The following NRG1 variants were observed in gnomAD, a reference collection of about 807,000 sequenced individuals.
The protein encoded by NRG1 is pro-neuregulin-1, membrane-bound isoform.
NRG1 carries 18 observed loss-of-function variants against 63.8 expected under a neutral mutation model. The observed-to-expected ratio is 0.28, with a 90% CI of 0.19 to 0.42. NRG1 has a LOEUF of 0.42. Ranked by LOEUF, NRG1 falls within the 10% of genes least tolerant of loss-of-function variation. The pLI is 1.00. For synonymous variants in NRG1, 302 were observed against 301.3 expected (o/e 1.00, Z -0.02); for missense variants, 762 against 814.7 (o/e 0.94, Z 0.79).
intron 1 of NRG1, among the ~76,000 whole-genome samples, chr8:32,316,948 G>T (rs1354243031): frequency 1.3e-5 from 2 of 152,210 alleles, no homozygotes; most frequent in Non-Finnish European, 2.9e-5. Flanking sequence ...TATTCCTGAG[G>T]AAGTATTTTC....
intron 1 of NRG1, among the ~76,000 whole-genome samples, chr8:32,004,858 G>T (rs1813497379): frequency 6.6e-6 from 1 of 151,712 alleles, no homozygotes; most frequent in Admixed American, 6.6e-5. Context: ...AAATGTACTA[G>T]GATACTTGTC....
At chr8:31,981,769 GA>G (rs1278672788) in intron 1 of NRG1, among the ~76,000 whole-genome samples, 2 of 151,764 alleles carry the variant, frequency 1.3e-5, no homozygotes, top group Admixed American at 1.3e-4. Context: ...CCCTCTGGGG[GA>G]TGCAGATAAT....
chr8:31,827,404 T>C (rs538315548), intron 1 of NRG1, among the ~76,000 whole-genome samples: 2 of 152,188 alleles, frequency 1.3e-5, no homozygotes, highest in Non-Finnish European at 2.9e-5. Context: ...GCCTTTTTTT[T>C]TCCTTAGTGA....
intron 1 of NRG1, among the ~76,000 whole-genome samples, chr8:32,058,209 T>C (rs557027633): frequency 6.6e-6 from 1 of 152,150 alleles, no homozygotes; most frequent in East Asian, 1.9e-4. Context: ...CATGAAATTT[T>C]ATAGGGAAAG....
intron 1 of NRG1, among the ~76,000 whole-genome samples, chr8:31,968,632 G>T (rs1261709472): frequency 1.3e-5 from 2 of 152,030 alleles, no homozygotes; most frequent in Non-Finnish European, 2.9e-5. Flanking sequence ...TCATTTAATG[G>T]ATCCTGTCTC....
intron 1 of NRG1, among the ~76,000 whole-genome samples, chr8:32,165,198 C>T (rs1839272254): frequency 6.6e-6 from 1 of 151,490 alleles, no homozygotes; most frequent in African/African-American, 2.4e-5. Context: ...AAGTGCAGTG[C>T]CTCGAACATA....
At chr8:32,413,039 C>T (rs1190567559) in intron 1 of NRG1, among the ~76,000 whole-genome samples, 1 of 152,154 alleles carries the variant, frequency 6.6e-6, no homozygotes, top group Non-Finnish European at 1.5e-5. Flanking sequence ...CCAGATACCG[C>T]GTGCTCCATC....
chr8:32,705,256 C>T (rs567182613), intron 5 of NRG1, among the ~76,000 whole-genome samples: 15 of 151,860 alleles, frequency 9.9e-5, no homozygotes, highest in Non-Finnish European at 2.9e-5. Context: ...CTCAGCCTCC[C>T]GAATAGCTGG....
intron 1 of NRG1, among the ~76,000 whole-genome samples, chr8:32,242,842 A>G (rs967952968): frequency 6.6e-6 from 1 of 152,214 alleles, no homozygotes; most frequent in African/African-American, 2.4e-5. Context: ...AAAGAGTTTA[A>G]TATATTGCTC....
At chr8:32,567,444 T>A (rs1370112772) in intron 1 of NRG1, among the ~76,000 whole-genome samples, 2 of 152,190 alleles carry the variant, frequency 1.3e-5, no homozygotes, top group African/African-American at 4.8e-5. Flanking sequence ...AAAAAAGAAA[T>A]TTCTCTGGCC....
chr8:32,183,611 C>A (rs1841663726), intron 1 of NRG1, among the ~76,000 whole-genome samples: 1 of 152,192 alleles, frequency 6.6e-6, no homozygotes, highest in Non-Finnish European at 1.5e-5. Context: ...TCTCACAAAA[C>A]AGGAATCAAC....
chr8:32,769,683 A>G (rs945830958), downstream of NRG1, among the ~76,000 whole-genome samples: 1 of 152,198 alleles, frequency 6.6e-6, no homozygotes, highest in Non-Finnish European at 1.5e-5. Context: ...CAAAAGATTA[A>G]CTTGGCAGGA....
intron 3 of NRG1, among the ~76,000 whole-genome samples, chr8:32,607,715 G>A (rs191722157): frequency 6.6e-6 from 1 of 152,208 alleles, no homozygotes; most frequent in East Asian, 1.9e-4. Context: ...TGAATATGTA[G>A]TGTTGACCAA....
intron 1 of NRG1, among the ~76,000 whole-genome samples, chr8:32,332,006 C>A (rs954273371): frequency 6.6e-6 from 1 of 151,704 alleles, no homozygotes; most frequent in Non-Finnish European, 1.5e-5. Flanking sequence ...ATGGAAGTGG[C>A]CAGGAGTGGT....
At chr8:32,080,589 C>T (rs189507394) in intron 1 of NRG1, among the ~76,000 whole-genome samples, 1 of 152,288 alleles carries the variant, frequency 6.6e-6, no homozygotes, top group African/African-American at 2.4e-5. Flanking sequence ...CTTCCACTCT[C>T]AGAGCTTCCA....
rs958790767 is a variant in NRG1, at chr8:32,207,341, G to A, written c.38-388487G>A. On this transcript the variant is annotated intron_variant, in intron 1 of 10. Coordinates refer to the NRG1 transcript ENST00000519301. ...GCCATTTCTCTTAATGCCATTACTC[G>A]TAAGGGCAGAAATGACCATTACTTT... 4.6e-5 allele frequency among the ~76,000 whole-genome samples: 7 copies of A among 152,004 alleles called. 1 individual carries two copies. In the South Asian group the frequency reaches 1.2e-3, roughly 27 times the overall value.
intron 1 of NRG1, among the ~76,000 whole-genome samples, chr8:32,032,385 T>C (rs1471115242): frequency 6.6e-6 from 1 of 152,106 alleles, no homozygotes; most frequent in Non-Finnish European, 1.5e-5. Context: ...TGCCTCAGCC[T>C]CCGAAGTAGC....
chr8:32,481,772 G>A (rs113610256), intron 1 of NRG1, among the ~76,000 whole-genome samples: 304 of 152,324 alleles, frequency 2.0e-3, no homozygotes, highest in Non-Finnish European at 3.7e-3. Flanking sequence ...ACTTTCCGAA[G>A]GTGCTGGGCC....
chr8:31,879,286 T>C (rs528783017), intron 1 of NRG1, among the ~76,000 whole-genome samples: 5 of 152,216 alleles, frequency 3.3e-5, no homozygotes, highest in South Asian at 2.1e-4. Context: ...TACCCATTAA[T>C]GTGAAGTCAA....
Sources: allele counts gnomAD v4.1 joint callset (sites outside exome capture counted in the v4.1 genomes callset), GRCh38; gene constraint gnomAD v4.1.1; transcripts MANE v1.5; gene names NCBI Gene and HGNC (gene_info 2026-07-23, HGNC 2026-07-21).